NAALADL2: variants seen among roughly 807,000 people sequenced by gnomAD.
NAALADL2 encodes N-acetylated alpha-linked acidic dipeptidase like 2, also known as inactive N-acetylated-alpha-linked acidic dipeptidase-like protein 2.
NAALADL2 carries 76 observed loss-of-function variants against 87.2 expected under a neutral mutation model. The observed-to-expected ratio is 0.87, with a 90% confidence interval of 0.72 to 1.05. The LOEUF (loss-of-function observed/expected upper bound fraction) is 1.05, where lower values mean the gene tolerates loss of function less well. Ranked by LOEUF, NAALADL2 falls within the 50% of genes least tolerant of loss-of-function variation. The pLI is 0.00. For missense variants in NAALADL2, 1,089 were observed against 945.8 expected (o/e 1.15, Z -1.99); for synonymous variants, 354 against 331.0 (o/e 1.07, Z -0.75).
rs373378235 is a variant in NAALADL2 at position 174,851,770 on chromosome 3, G to GA, written c.-9+114030dup. Among the ~76,000 whole-genome samples, 569 of 152,022 alleles carry GA rather than the reference G, an allele frequency of 3.7e-3. 2 individuals carry two copies. Among genetic ancestry groups the GA allele is most frequent in the African/African-American group, 0.013 (522 of 41,490 alleles). ...TATCCTGATAGCAAAACCAGGCAAA[G>GA]AAAAAACAGATAAGTACATGCTACT... On this transcript the variant is annotated intron_variant, in intron 3 of 3. Coordinates refer to the NAALADL2 transcript ENST00000434257.
intron 3 of NAALADL2, among the ~76,000 whole-genome samples, chr3:174,815,966 A>G (rs66509733): frequency 0.19 from 28,897 of 150,558 alleles, 3,365 homozygotes; most frequent in African/African-American, 0.32. Context: ...GGAGGTACTT[A>G]GAGATAGGAA....
At chr3:175,563,742 G>C (rs1268255558) in intron 9 of NAALADL2, among the ~76,000 whole-genome samples, 2 of 152,190 alleles carry the variant, frequency 1.3e-5, no homozygotes, top group East Asian at 3.9e-4. Context: ...ACAGTGATAT[G>C]AGTGAAAGAC....
rs1471622822 is a variant in NAALADL2 at position 174,987,587 on chromosome 3, A to T, written c.44-109203A>T. Among the ~76,000 whole-genome samples, 637 of 141,954 alleles carry T rather than the reference A, an allele frequency of 4.5e-3. 25 individuals are homozygous for T. Among genetic ancestry groups the T allele is most frequent in the African/African-American group, 0.017 (621 of 36,118 alleles). 93.1% of individuals were successfully genotyped at this position (141,954 alleles called of 152,430 possible). On this transcript the variant is annotated intron_variant, in intron 1 of 13. Transcript: ENST00000454872. ...CCGTCTCAAAAAAAAAAAAAAAAAA[A>T]AAAAAAAAAAACAATACTCATCAGA...
At chr3:175,783,055 A>G (rs1751386441) in intron 13 of NAALADL2, among the ~76,000 whole-genome samples, 1 of 150,120 alleles carries the variant, frequency 6.7e-6, no homozygotes, top group African/African-American at 2.5e-5. Flanking sequence ...GTTCTGTTCC[A>G]TTGATCTATA....
chr3:174,867,468 T>C (rs983635693), intron 1 of NAALADL2, among the ~76,000 whole-genome samples: 11 of 152,008 alleles, frequency 7.2e-5, no homozygotes, highest in African/African-American at 2.4e-4. Flanking sequence ...GGTATATTTG[T>C]TTATTGTCTA....
intron 1 of NAALADL2, among the ~76,000 whole-genome samples, chr3:175,082,129 A>C (rs1580345997): frequency 6.6e-6 from 1 of 152,136 alleles, no homozygotes; most frequent in African/African-American, 2.4e-5. Context: ...GCCTAAAGTC[A>C]CACTATCAGT....
intron 3 of NAALADL2, among the ~76,000 whole-genome samples, chr3:174,848,665 C>G (rs1724905973): frequency 6.6e-6 from 1 of 152,144 alleles, no homozygotes; most frequent in Non-Finnish European, 1.5e-5. Context: ...TGAAGTTCTT[C>G]AGTGAGGTTC....
At chr3:174,967,371 CAAAAAAAAAAA>C (rs58590340) in intron 1 of NAALADL2, among the ~76,000 whole-genome samples, 1 of 126,332 alleles carries the variant, frequency 7.9e-6, no homozygotes, top group Non-Finnish European at 1.7e-5. Flanking sequence ...TGGTGGATTG[CAAAAAAAAAAA>C]AAAAAGAAAA....
intron 9 of NAALADL2, among the ~76,000 whole-genome samples, chr3:175,514,359 A>T (rs1444818498): frequency 6.6e-6 from 1 of 152,238 alleles, no homozygotes; most frequent in Non-Finnish European, 1.5e-5. Context: ...TAACTATAAC[A>T]TAATGAAAGA....
intron 1 of NAALADL2, among the ~76,000 whole-genome samples, chr3:174,948,207 T>G (rs1464892081): frequency 6.6e-6 from 1 of 150,844 alleles, no homozygotes; most frequent in Non-Finnish European, 1.5e-5. Context: ...GATGGAGTCT[T>G]GCTCTGTCGC....
intron 1 of NAALADL2, among the ~76,000 whole-genome samples, chr3:175,095,189 G>C (rs1720927150): frequency 6.6e-6 from 1 of 151,572 alleles, no homozygotes; most frequent in Admixed American, 6.6e-5. Context: ...CCCCTTCCTG[G>C]GTATCCTCCT....
intron 1 of NAALADL2, among the ~76,000 whole-genome samples, chr3:174,899,995 T>C (rs1732115891): frequency 6.6e-6 from 1 of 152,052 alleles, no homozygotes; most frequent in Non-Finnish European, 1.5e-5. Flanking sequence ...ATTTTATATA[T>C]TAATTTCAAC....
At chr3:174,590,586 CCA>C (rs1717257491) in intron 2 of NAALADL2, among the ~76,000 whole-genome samples, 1 of 152,016 alleles carries the variant, frequency 6.6e-6, no homozygotes, top group African/African-American at 2.4e-5. Flanking sequence ...AAAACACTAT[CCA>C]CAGTTTCATA....
At chr3:174,961,109 T>C (rs946891297) in intron 1 of NAALADL2, among the ~76,000 whole-genome samples, 4 of 147,946 alleles carry the variant, frequency 2.7e-5, no homozygotes, top group Non-Finnish European at 6.0e-5. Flanking sequence ...ATATATAACA[T>C]AATGATATAT....
intron 1 of NAALADL2, among the ~76,000 whole-genome samples, chr3:175,006,545 A>G (rs1749044281): frequency 6.6e-6 from 1 of 152,000 alleles, no homozygotes; most frequent in East Asian, 1.9e-4. Context: ...CTACTTCTAA[A>G]TGCAGTTATA....
intron 2 of NAALADL2, among the ~76,000 whole-genome samples, chr3:175,130,745 A>G (rs1315323509): frequency 6.6e-6 from 1 of 152,132 alleles, no homozygotes; most frequent in African/African-American, 2.4e-5. Flanking sequence ...TGTGGGTTCT[A>G]TTCTGTTTCA....
At position 175,681,098 on chromosome 3, in the gene NAALADL2, C is replaced by T. The variant is rs567559860; in HGVS notation, c.1896+53712C>T. Among the ~76,000 whole-genome samples the T allele has an allele frequency of 7.9e-5, 12 of 152,132 alleles. No individual in the cohort carries two copies. In the South Asian group the frequency reaches 2.1e-3, roughly 26 times the overall value. On this transcript the variant is annotated intron_variant, in intron 11 of 13. Transcript: ENST00000454872. Reference sequence around the variant, plus strand: ...ACTGCACTTCAGCCTGGCGACAGAGCGAGGCTCTGTCTCAAAACAAAACAA... The same window carrying T: ...ACTGCACTTCAGCCTGGCGACAGAGTGAGGCTCTGTCTCAAAACAAAACAA...
intron 11 of NAALADL2, among the ~76,000 whole-genome samples, chr3:175,703,756 A>C (rs1739302244): frequency 6.6e-6 from 1 of 152,154 alleles, no homozygotes; most frequent in Non-Finnish European, 1.5e-5. Flanking sequence ...AAAATAAATA[A>C]ATAAATAAAC....
chr3:175,327,585 T>C (rs1760893053), intron 5 of NAALADL2, among the ~76,000 whole-genome samples: 2 of 152,152 alleles, frequency 1.3e-5, no homozygotes, highest in Admixed American at 1.3e-4. Context: ...CAGTGATGGG[T>C]AACTCAGGGT....
Sources: gnomAD v4.1 joint callset for allele counts (sites outside exome capture counted in the v4.1 genomes callset) on GRCh38, gnomAD v4.1.1 for gene constraint, MANE v1.5 for transcripts, NCBI Gene and HGNC (gene_info 2026-07-23, HGNC 2026-07-21) for gene names.